The following MALRD1 variants were observed in gnomAD, a reference collection of about 807,000 sequenced individuals.
The protein encoded by MALRD1 is MAM and LDL-receptor class A domain-containing protein 1.
MALRD1 carries 247 observed loss-of-function variants against 242.1 expected under a neutral mutation model. That is an observed-to-expected ratio of 1.02 (90% CI 0.92 to 1.13). The LOEUF (loss-of-function observed/expected upper bound fraction) is 1.13. Ranked by LOEUF, MALRD1 falls within the 50% of genes most tolerant of loss-of-function variation. The pLI is 0.00. For synonymous variants in MALRD1, 995 were observed against 866.6 expected (o/e 1.15, Z -2.60); for missense variants, 2,989 against 2,533.1 (o/e 1.18, Z -3.86).
chr10:19,497,935 A>G (rs1242721266), intron 30 of MALRD1, among the ~76,000 whole-genome samples: 1 of 152,212 alleles, frequency 6.6e-6, no homozygotes, highest in Non-Finnish European at 1.5e-5. Context: ...ATGAGTTATC[A>G]ATCAACACTT....
At chr10:19,154,064 A>G (rs1295748182) in intron 11 of MALRD1, among the ~76,000 whole-genome samples, 1 of 152,214 alleles carries the variant, frequency 6.6e-6, no homozygotes, top group African/African-American at 2.4e-5. Flanking sequence ...GGTGAAGCAT[A>G]GAGAATTTAA....
chr10:19,538,921 T>G (rs1834805699), intron 32 of MALRD1, among the ~76,000 whole-genome samples: 1 of 152,164 alleles, frequency 6.6e-6, no homozygotes, highest in African/African-American at 2.4e-5. Flanking sequence ...CTATCTTAGA[T>G]TTGAGGCATT....
intron 18 of MALRD1, among the ~76,000 whole-genome samples, chr10:19,223,870 A>G (rs1253273301): frequency 6.6e-6 from 1 of 152,202 alleles, no homozygotes; most frequent in Non-Finnish European, 1.5e-5. Context: ...TCTGCAAAGG[A>G]CATGAATCCA....
intron 18 of MALRD1, among the ~76,000 whole-genome samples, chr10:19,227,540 A>G (rs1024214868): frequency 6.6e-6 from 1 of 152,110 alleles, no homozygotes; most frequent in Non-Finnish European, 1.5e-5. Context: ...AAAATTTTTA[A>G]TAATCTTACT....
chr10:19,396,130 T>C (rs1846566319), intron 28 of MALRD1, among the ~76,000 whole-genome samples: 1 of 125,966 alleles, frequency 7.9e-6, no homozygotes, highest in South Asian at 2.6e-4. Flanking sequence ...CCTTCGTTTC[T>C]TTTTTTTTTT....
chr10:19,601,711 T>C (rs1410509031), intron 34 of MALRD1, among the ~76,000 whole-genome samples: 1 of 152,036 alleles, frequency 6.6e-6, no homozygotes, highest in Non-Finnish European at 1.5e-5. Flanking sequence ...GAGCTCTTTA[T>C]TGAACAGTCA....
chr10:19,270,319 C>T (rs867489472), intron 19 of MALRD1, among the ~76,000 whole-genome samples: 60 of 97,898 alleles, frequency 6.1e-4, no homozygotes, highest in African/African-American at 3.0e-3. Flanking sequence ...TCTCTCTCTT[C>T]TCTCTCTCTC....
At chr10:19,097,200 T>C (rs1836070983) in intron 4 of MALRD1, among the ~76,000 whole-genome samples, 1 of 152,258 alleles carries the variant, frequency 6.6e-6, no homozygotes, top group African/African-American at 2.4e-5. Context: ...ATTACAAGCT[T>C]TAGAGAGTTA....
At chr10:19,295,076 T>C (rs191696414) in intron 21 of MALRD1, among the ~76,000 whole-genome samples, 26 of 152,220 alleles carry the variant, frequency 1.7e-4, no homozygotes, top group Admixed American at 1.0e-3. Flanking sequence ...ATCACTGTTA[T>C]TAGTTGCTTT....
intron 33 of MALRD1, among the ~76,000 whole-genome samples, chr10:19,576,059 G>C (rs1836807515): frequency 2.0e-5 from 3 of 152,210 alleles, no homozygotes; most frequent in Admixed American, 2.0e-4. Flanking sequence ...AAGGATATTG[G>C]ATTGCTCCAA....
chr10:19,352,022 A>G lies in MALRD1; in HGVS notation c.4166A>G (p.His1389Arg), dbSNP rs759185153. The G allele has an allele frequency of 4.5e-6, 7 of 1,547,404 alleles. No individual in the cohort carries two copies. Among genetic ancestry groups the G allele is most frequent in the African/African-American group, 1.4e-5 (1 of 72,940 alleles). ...SKNCKIIFHY[H>R]MYGNGIGALT... ...TGATTACAGATTATTTTTCATTATC[A>G]CATGTATGGAAATGGCATTGGGGCA... Residue 1389 changes from histidine to arginine, a missense_variant, in exon 26 of 40, where the codon CAC (histidine) becomes CGC (arginine). His to Arg is a conservative substitution (Grantham distance 29). Coordinates refer to ENST00000454679, the MANE Select transcript of MALRD1 (RefSeq NM_001142308.3).
intron 36 of MALRD1, among the ~76,000 whole-genome samples, chr10:19,668,511 G>T (rs761225863): frequency 6.6e-6 from 1 of 152,074 alleles, no homozygotes; most frequent in Non-Finnish European, 1.5e-5. Context: ...GTGGGAGAAC[G>T]CCACTAATAA....
At chr10:19,698,558 G>A (rs1175380903) in intron 38 of MALRD1, among the ~76,000 whole-genome samples, 1 of 152,176 alleles carries the variant, frequency 6.6e-6, no homozygotes, top group Non-Finnish European at 1.5e-5. Context: ...TATCTTTGGT[G>A]AGAAGTTTTT....
intron 33 of MALRD1, among the ~76,000 whole-genome samples, chr10:19,591,497 GTTT>G (rs35785107): frequency 0.017 from 1,973 of 116,308 alleles, 15 homozygotes; most frequent in East Asian, 0.042. Context: ...TTTTATTTTA[GTTT>G]TTTTTTTTTT....
At chr10:19,334,983 T>C (rs758672614) in intron 24 of MALRD1, among the ~76,000 whole-genome samples, 4 of 152,102 alleles carry the variant, frequency 2.6e-5, no homozygotes, top group Non-Finnish European at 5.9e-5. Context: ...GGCTCTAAAG[T>C]TGTGCGTATT....
chr10:19,292,165 C>T (rs1446336254), intron 21 of MALRD1, among the ~76,000 whole-genome samples: 1 of 151,588 alleles, frequency 6.6e-6, no homozygotes. Context: ...GAAAACTCTA[C>T]CCTGAGTCAG....
chr10:19,324,185 T>G, intron 22 of MALRD1, 80 bp downstream of exon 22: 1 of 1,348,264 alleles, frequency 7.4e-7, no homozygotes, highest in South Asian at 1.4e-5. Context: ...TAAAATATAT[T>G]CTGTTAATAA....
intron 33 of MALRD1, among the ~76,000 whole-genome samples, chr10:19,592,757 A>ACGCG (rs1295778942): frequency 7.5e-5 from 9 of 119,958 alleles, no homozygotes; most frequent in South Asian, 3.2e-4. Flanking sequence ...ACACACACAC[A>ACGCG]CACACGCACG....
intron 1 of MALRD1, among the ~76,000 whole-genome samples, chr10:19,060,541 G>T (rs566751573): frequency 6.6e-6 from 1 of 152,220 alleles, no homozygotes; most frequent in East Asian, 1.9e-4. Context: ...TCCCAGGGAT[G>T]GGATCTTCTC....
Sources: gnomAD v4.1 joint callset for allele counts (sites outside exome capture counted in the v4.1 genomes callset) on GRCh38, gnomAD v4.1.1 for gene constraint, MANE v1.5 for transcripts, NCBI Gene and HGNC (gene_info 2026-07-23, HGNC 2026-07-21) for gene names.